Variants in SEC14L6 observed in about 807,000 individuals in gnomAD.
The protein encoded by SEC14L6 is SEC14-like protein 6.
SEC14L6 carries 40 observed loss-of-function variants against 54.1 expected under a neutral mutation model. The ratio of observed to expected loss-of-function variants is 0.74; its 90% CI spans 0.57 to 0.96. The LOEUF is 0.96. Among genes scored for constraint, SEC14L6 ranks in the 40% least tolerant of loss-of-function variants. The probability of loss-of-function intolerance (pLI) is 0.00; values close to 1 mark genes in which losing one functional copy is unlikely to be tolerated. For missense variants in SEC14L6, 471 were observed against 498.3 expected (o/e 0.95, Z 0.52); for synonymous variants, 171 against 198.4 (o/e 0.86, Z 1.16).
intron 6 of SEC14L6, 132 bp from the exon 7 acceptor site, chr22:30,529,481 C>T (rs865933720): frequency 4.1e-5 from 29 of 704,042 alleles, no homozygotes; most frequent in Admixed American, 1.7e-4. Context: ...TTGATGCAGA[C>T]GGCTCCCGAT....
intron 8 of SEC14L6, among the ~76,000 whole-genome samples, chr22:30,526,244 C>A (rs1412279826): frequency 6.6e-6 from 1 of 152,206 alleles, no homozygotes; most frequent in Non-Finnish European, 1.5e-5. Flanking sequence ...GAACTCGGAC[C>A]AGCAACTCCT....
intron 1 of SEC14L6, chr22:30,542,930 A>G (rs2085750788): frequency 2.5e-6 from 4 of 1,601,106 alleles, no homozygotes; most frequent in African/African-American, 2.7e-5. Context: ...GGCACCTACT[A>G]CTGTGTGAAG....
chr22:30,528,123 T>G (rs965414498), intron 8 of SEC14L6, among the ~76,000 whole-genome samples: 1 of 146,512 alleles, frequency 6.8e-6, no homozygotes, highest in African/African-American at 2.5e-5. Flanking sequence ...AGATTTCTTT[T>G]TTTTTTTTTT....
rs569856768 is a variant in SEC14L6 at position 30,525,732 on chromosome 22, C to A, written c.790G>T (p.Val264Leu). 66 of 1,613,984 alleles carry A rather than the reference C, an allele frequency of 4.1e-5. No individual in the cohort carries two copies. The East Asian group carries it at 1.4e-3, about 35-fold the overall frequency. Residue 264 changes from valine (V) to leucine (L), a missense_variant, in exon 10 of 12, where the codon GTG becomes TTG. Physicochemically the swap from Val to Leu is conservative, Grantham distance 32. Transcript: ENST00000402034. ...TTGCACAGGTAGTAGCTCTTGGGCACCTCACCCCCGTAGTTGATCTGTGGG... is the reference window on the plus strand; with the variant it reads ...TTGCACAGGTAGTAGCTCTTGGGCAACTCACCCCCGTAGTTGATCTGTGGG... ...CLTKINYGGEVPKSYYLCKQV... is the reference protein window; with the variant it reads ...CLTKINYGGELPKSYYLCKQV...
intron 1 of SEC14L6, among the ~76,000 whole-genome samples, chr22:30,544,846 T>C (rs2085782315): frequency 1.3e-5 from 2 of 152,110 alleles, no homozygotes; most frequent in Non-Finnish European, 2.9e-5. Context: ...TACTGAGAAA[T>C]GTGAAACGTG....
chr22:30,543,659 AC>A (rs1443958708), intron 1 of SEC14L6: 2 of 1,612,490 alleles, frequency 1.2e-6, no homozygotes, highest in Non-Finnish European at 1.7e-6. Context: ...GCCGCTGAGA[AC>A]ACTGGACCTA....
rs548379381 is a variant in SEC14L6 at position 30,542,492 on chromosome 22, G to A, written c.55-3590C>T. The A allele has an allele frequency of 1.5e-4, 94 of 628,954 alleles. No individual in the cohort carries two copies. In the Admixed American group the frequency reaches 2.5e-3, roughly 16 times the overall value. 39.0% of individuals were successfully genotyped at this position (628,954 alleles called of 1,614,324 possible). On this transcript the variant is annotated intron_variant, in intron 1 of 11. Coordinates refer to ENST00000402034, the MANE Select transcript of SEC14L6 (RefSeq NM_001193336.4). The stretch of plus-strand genomic sequence containing the variant: ...TCAGAAAAACAAGTTTGCGCAAAGT[G>A]GAGCGGGGACCCGGCCTCTGGGCAG...
At chr22:30,546,407 G>A (rs1391170301) in intron 1 of SEC14L6, among the ~76,000 whole-genome samples, 10 of 141,294 alleles carry the variant, frequency 7.1e-5, no homozygotes, top group Non-Finnish European at 7.7e-5. Flanking sequence ...AAAAAAAAAA[G>A]GAAGAAAGAA....
intron 2 of SEC14L6, among the ~76,000 whole-genome samples, chr22:30,538,343 AAAAAAAAAGAAAGAAAG>A (rs1402141293): frequency 1.3e-5 from 2 of 151,962 alleles, no homozygotes; most frequent in African/African-American, 4.8e-5. Context: ...AACAAAAAAA[AAAAAAAAAGAAAGAAAG>A]AAAAGAAAAA....
chr22:30,532,160 G>C (rs1273486865), intron 5 of SEC14L6, 162 bp from the exon 6 acceptor site: 1 of 985,276 alleles, frequency 1.0e-6, no homozygotes, highest in Non-Finnish European at 1.2e-6. Context: ...TGCCAGGACC[G>C]GAGTGACCCA....
chr22:30,531,969 A>G lies in SEC14L6; in HGVS notation c.453T>C (p.Ala151=). ...GGCCCAGCCCTTCGAGACCAAAAAT[A>G]GCTATGATTTTCTCCACCCTCTTCC... ...KLGKRVEKII[A]IFGLEGLGLR... Residue 151 remains alanine (A), a synonymous_variant, in exon 6 of 12, where the codon GCT becomes GCC. Transcript: ENST00000402034. 1.3e-6 allele frequency: 2 copies of G among 1,550,786 alleles called. No individual in the cohort carries two copies. Among genetic ancestry groups the G allele is most frequent in the Non-Finnish European group, 1.7e-6 (2 of 1,147,000 alleles).
chr22:30,543,431 T>G lies in SEC14L6; in HGVS notation c.54+3198A>C. 1.9e-6 allele frequency: 3 copies of G among 1,610,058 alleles called. No homozygotes were observed. In the Admixed American group the frequency reaches 5.0e-5, roughly 27 times the overall value. The stretch of plus-strand genomic sequence containing the variant: ...CCCCAGAGACTACAGTTGACCTGGT[T>G]GGAGAACGGCAATGTGTCCCGGACA... On this transcript the variant is annotated intron_variant, in intron 1 of 11. Transcript: ENST00000402034.
chr22:30,545,594 G>A (rs2085790363), intron 1 of SEC14L6, among the ~76,000 whole-genome samples: 2 of 151,960 alleles, frequency 1.3e-5, no homozygotes, highest in South Asian at 4.2e-4. Context: ...TAGAGATGGG[G>A]TCTCCCTATG....
chr22:30,534,060 A>G (rs1937069249), intron 2 of SEC14L6, 21 bp from the exon 3 acceptor site: 8 of 1,550,606 alleles, frequency 5.2e-6, no homozygotes, highest in Non-Finnish European at 7.0e-6. Context: ...AGACAGGGTT[A>G]TGGTTGTGGA....
rs1379813323 is a variant in SEC14L6 at position 30,522,987 on chromosome 22, A to C, written c.*2010T>G. ...TCAGAGGCATTATGCTGACTAAAGAAAGCCAGAATCAAAAGGCTAAATATT... is the reference window on the plus strand; with the variant it reads ...TCAGAGGCATTATGCTGACTAAAGACAGCCAGAATCAAAAGGCTAAATATT... On this transcript the variant is annotated 3_prime_UTR_variant, in exon 12 of 12. Transcript: ENST00000402034. 6.6e-6 allele frequency: 1 copy of C among 152,250 alleles called. No individual in the cohort carries two copies. Among genetic ancestry groups the C allele is most frequent in the Non-Finnish European group, 1.5e-5 (1 of 68,040 alleles). The allele number at this position is 152,250 out of a possible 1,614,324, so 9.4% of individuals were successfully genotyped here.
chr22:30,528,731 C>T (rs539360000), intron 8 of SEC14L6, among the ~76,000 whole-genome samples: 8 of 152,180 alleles, frequency 5.3e-5, no homozygotes, highest in African/African-American at 1.7e-4. Context: ...GCCAAAGATC[C>T]GGATCTAATT....
intron 6 of SEC14L6, among the ~76,000 whole-genome samples, chr22:30,529,722 G>A (rs560598981): frequency 6.6e-6 from 1 of 152,180 alleles, no homozygotes; most frequent in African/African-American, 2.4e-5. Flanking sequence ...GGGATTACAG[G>A]TGTGAGCCAC....
In SEC14L6 at chr22:30,531,916, T is replaced by C; in HGVS notation, c.506A>G (p.Glu169Gly). Residue 169 changes from glutamate (E) to glycine (G), a missense_variant, in exon 6 of 12, where the codon GAG becomes GGG. Physicochemically the swap from Glu to Gly is moderately conservative, Grantham distance 98. Transcript: ENST00000402034. ...GLRDLWKPGI[E>G]LLQEFFSALE... ...GGGTCACCTCACCTCCTGGAGAAGC[T>C]CTATTCCTGGCTTCCACAGATCCCT... The C allele has an allele frequency of 6.4e-7, 1 of 1,550,544 alleles. No individual in the cohort carries two copies. The highest frequency in any genetic ancestry group is 8.7e-7 in the Non-Finnish European group (1 of 1,146,860).
At chr22:30,546,595 T>G in intron 1 of SEC14L6, 34 bp downstream of exon 1, 2 of 1,543,334 alleles carry the variant, frequency 1.3e-6, no homozygotes, top group Non-Finnish European at 1.8e-6. Flanking sequence ...AAGGAGAAAC[T>G]GAGGCTGGTG....
Sources: allele counts gnomAD v4.1 joint callset (sites outside exome capture counted in the v4.1 genomes callset), GRCh38; gene constraint gnomAD v4.1.1; transcripts MANE v1.5; gene names NCBI Gene and HGNC (gene_info 2026-07-23, HGNC 2026-07-21).